EXOC5: variants seen among roughly 807,000 people sequenced by gnomAD.
EXOC5 encodes the protein SEC10-like 1.
In EXOC5, 17 loss-of-function variants were observed where a neutral mutation model predicts 90.8. That is an observed-to-expected ratio of 0.19 (90% CI 0.13 to 0.28). EXOC5 has a LOEUF of 0.28. Among genes scored for constraint, EXOC5 ranks in the 10% least tolerant of loss-of-function variants. The probability of loss-of-function intolerance (pLI) is 1.00; values close to 1 mark genes in which losing one functional copy is unlikely to be tolerated. For synonymous variants in EXOC5, 260 were observed against 270.0 expected (o/e 0.96, Z 0.36); for missense variants, 569 against 830.6 (o/e 0.69, Z 3.87).
chr14:57,224,435 T>C lies in EXOC5; in HGVS notation c.1297-2019A>G, dbSNP rs1161942681. ...CAGCTATTAAAAGGATAAGAAAATA[T>C]CATGAATATAATTTTATTCCAACAA... On this transcript the variant is annotated intron_variant, in intron 12 of 17. Coordinates refer to ENST00000621441, the MANE Select transcript of EXOC5 (RefSeq NM_006544.4). Among the ~76,000 whole-genome samples the C allele has an allele frequency of 2.6e-5, 4 of 152,116 alleles. No individual in the cohort carries two copies. The East Asian group carries it at 7.7e-4, about 29-fold the overall frequency.
intron 11 of EXOC5, 134 bp downstream of exon 11, chr14:57,231,372 T>C (rs1883481255): frequency 1.6e-6 from 1 of 635,864 alleles, no homozygotes; most frequent in East Asian, 2.8e-5. Context: ...ATTTGATCAA[T>C]AATATAACAA....
chr14:57,245,228 T>A (rs17721685), intron 3 of EXOC5, among the ~76,000 whole-genome samples: 5,990 of 152,228 alleles, frequency 0.039, 152 homozygotes, highest in Non-Finnish European at 0.059. Flanking sequence ...TGCCTTGTAA[T>A]TGCCAACAGT....
At chr14:57,251,237 G>A (rs1041062610) in intron 1 of EXOC5, among the ~76,000 whole-genome samples, 1 of 152,116 alleles carries the variant, frequency 6.6e-6, no homozygotes, top group Non-Finnish European at 1.5e-5. Flanking sequence ...AAAATTCCTG[G>A]AACAACCTGC....
At chr14:57,238,371 T>C (rs367928280) in intron 5 of EXOC5, among the ~76,000 whole-genome samples, 17,111 of 96,174 alleles carry the variant, frequency 0.18, 2,264 homozygotes, top group African/African-American at 0.43. Flanking sequence ...TATATATATA[T>C]ATATACACAC....
intron 1 of EXOC5, among the ~76,000 whole-genome samples, chr14:57,254,304 G>T (rs755526886): frequency 1.3e-5 from 2 of 151,932 alleles, no homozygotes; most frequent in Non-Finnish European, 2.9e-5. Flanking sequence ...GTGTGGTGGC[G>T]AGTGCCTGTA....
chr14:57,265,669 G>A (rs905482139), intron 1 of EXOC5, among the ~76,000 whole-genome samples: 10 of 152,152 alleles, frequency 6.6e-5, no homozygotes, highest in Non-Finnish European at 2.9e-5. Context: ...AGGCTGCAGC[G>A]AGCAGTGATT....
intron 15 of EXOC5, among the ~76,000 whole-genome samples, chr14:57,211,876 T>C (rs536458467): frequency 2.0e-5 from 3 of 151,892 alleles, no homozygotes; most frequent in African/African-American, 7.2e-5. Context: ...AAAAAAAAAG[T>C]GTTCTGAGAC....
intron 12 of EXOC5, among the ~76,000 whole-genome samples, chr14:57,223,041 T>C (rs1226113452): frequency 6.6e-6 from 1 of 152,072 alleles, no homozygotes. Flanking sequence ...GAGATGTTAT[T>C]TAACCCCACC....
At chr14:57,218,627 A>G (rs1287638702) in intron 14 of EXOC5, among the ~76,000 whole-genome samples, 2 of 152,090 alleles carry the variant, frequency 1.3e-5, no homozygotes, top group East Asian at 3.8e-4. Flanking sequence ...TTTGTGGCAT[A>G]ACAGCTCTTA....
Position 57,208,787 on chromosome 14 carries a change from A to G in EXOC5, c.1949T>C (p.Val650Ala). The G allele has an allele frequency of 6.3e-7, 1 of 1,578,228 alleles. No homozygotes were observed. The highest frequency in any genetic ancestry group is 8.7e-7 in the Non-Finnish European group (1 of 1,151,354). The change falls in exon 18 of 18, where the codon GTA becomes GCA. Residue 650 changes from valine (V) to alanine (A), a missense_variant. By Grantham distance (64) the Val-to-Ala change is moderately conservative. This residue lies in a region of EXOC5 where 122 missense variants were observed against 180.0 expected (regional missense o/e 0.68). Transcript: ENST00000621441. ...KCAKDFKIPM[V>A]LHLFDTLHAL... The stretch of plus-strand genomic sequence containing the variant: ...ATGCAGAGTATCAAAAAGATGTAAT[A>G]CCATTGGAATCTGAATTGAGAGAAG...
In EXOC5 at chr14:57,268,797, A is replaced by T. The variant is rs961516341; in HGVS notation, c.-149T>A. On this transcript the variant is annotated 5_prime_UTR_variant, in exon 1 of 18. Transcript: ENST00000621441. Reference sequence around the variant, plus strand: ...TCCCCAGCTCCCCACAGATCCCAGGAGGGGCGGGAGAGCGGCCATGAAGCG... The same window carrying T: ...TCCCCAGCTCCCCACAGATCCCAGGTGGGGCGGGAGAGCGGCCATGAAGCG... The T allele has an allele frequency of 1.4e-6, 2 of 1,406,880 alleles. No individual in the cohort carries two copies. The highest frequency in any genetic ancestry group is 3.0e-5 in the South Asian group (2 of 65,916). 87.1% of individuals were successfully genotyped at this position (1,406,880 alleles called of 1,614,324 possible).
intron 12 of EXOC5, among the ~76,000 whole-genome samples, chr14:57,224,648 A>G (rs1883249022): frequency 6.6e-6 from 1 of 152,198 alleles, no homozygotes; most frequent in African/African-American, 2.4e-5. Flanking sequence ...CAAAGAAAGA[A>G]AGAAAGAATA....
intron 1 of EXOC5, among the ~76,000 whole-genome samples, chr14:57,252,078 C>G (rs548989784): frequency 1.3e-5 from 2 of 152,074 alleles, no homozygotes; most frequent in Non-Finnish European, 2.9e-5. Context: ...AATCTCCCAA[C>G]AGAGAAAAGC....
rs1036287801 is a variant in EXOC5 at position 57,204,114 on chromosome 14, CT to C, written c.*4494del. 6.6e-6 allele frequency: 1 copy of C among 152,172 alleles called. No homozygotes were observed. The allele number at this position is 152,172 out of a possible 1,614,324, so 9.4% of individuals were successfully genotyped here. A position where few individuals can be genotyped will look rare whatever the true frequency, so the allele number is the denominator to read the frequency against. On this transcript the variant is annotated 3_prime_UTR_variant, in exon 18 of 18. Transcript: ENST00000621441. Reference sequence around the variant, plus strand: ...TGGGCGAGTGTGTTTAATTACTCATCTTTCCCCCCAAAAGTCGATAATCACA... The same window carrying C: ...TGGGCGAGTGTGTTTAATTACTCATCTTCCCCCCAAAAGTCGATAATCACA...
At chr14:57,265,538 C>T (rs142309708) in intron 1 of EXOC5, among the ~76,000 whole-genome samples, 142 of 152,206 alleles carry the variant, frequency 9.3e-4, no homozygotes, top group Admixed American at 2.4e-3. Context: ...GCCTGGGCAA[C>T]ATGGTAAAAC....
chr14:57,236,612 A>G (rs769167469), intron 6 of EXOC5, among the ~76,000 whole-genome samples: 1 of 152,134 alleles, frequency 6.6e-6, no homozygotes, highest in Non-Finnish European at 1.5e-5. Context: ...TGAGGCTAGT[A>G]TGGTTCTTAA....
At chr14:57,257,498 AG>A (rs1884384842) in intron 1 of EXOC5, among the ~76,000 whole-genome samples, 1 of 152,172 alleles carries the variant, frequency 6.6e-6, no homozygotes, top group Non-Finnish European at 1.5e-5. Flanking sequence ...TTTGGAGATA[AG>A]AGCAGGAAAA....
At chr14:57,259,933 C>T (rs556207475) in intron 1 of EXOC5, among the ~76,000 whole-genome samples, 17 of 152,238 alleles carry the variant, frequency 1.1e-4, no homozygotes, top group African/African-American at 4.1e-4. Context: ...TGCAGAGGGT[C>T]TTGAAAGTCA....
At chr14:57,248,784 T>C (rs1016824627) in intron 1 of EXOC5, among the ~76,000 whole-genome samples, 1 of 152,106 alleles carries the variant, frequency 6.6e-6, no homozygotes, top group African/African-American at 2.4e-5. Flanking sequence ...AGTGCTGACA[T>C]GTTTGAGAAT....
Sources: allele counts gnomAD v4.1 joint callset (sites outside exome capture counted in the v4.1 genomes callset), GRCh38; gene constraint gnomAD v4.1.1; regional missense constraint gnomAD v4.1.1; transcripts MANE v1.5; gene names NCBI Gene and HGNC (gene_info 2026-07-23, HGNC 2026-07-21).